Variants in VAV3 observed in about 807,000 individuals in gnomAD.
VAV3 encodes the protein guanine nucleotide exchange factor VAV3.
Under a neutral mutation model 131.2 loss-of-function variants are expected in VAV3, and 94 were observed. That is an observed-to-expected ratio of 0.72 (90% CI 0.61 to 0.85). VAV3 has a LOEUF of 0.85. VAV3 is among the 40% of genes least tolerant of loss of function. The pLI is 0.00. For synonymous variants in VAV3, 349 were observed against 342.0 expected, an observed-to-expected ratio of 1.02 and a Z score of -0.22; for missense variants, 939 against 1,002.7, an observed-to-expected ratio of 0.94 and a Z score of 0.86.
At chr1:107,631,341 T>C (rs938300263) in intron 20 of VAV3, among the ~76,000 whole-genome samples, 1 of 152,024 alleles carries the variant, frequency 6.6e-6, no homozygotes, top group African/African-American at 2.4e-5. Context: ...GTCAGCTAAC[T>C]GTTCCATGGT....
rs925124330 is a variant in VAV3, at chr1:107,602,872, T to C, written c.2132+175A>G. Among the ~76,000 whole-genome samples the C allele has an allele frequency of 8.5e-5, 13 of 152,180 alleles. No individual in the cohort carries two copies. The highest frequency in any genetic ancestry group is 1.6e-4 in the Non-Finnish European group (11 of 68,000). Reference sequence around the variant, plus strand: ...TATGCCAATTAGCAACCTATAACACTTTTTACTGTTTTTCAAAGATATATT... The same window carrying C: ...TATGCCAATTAGCAACCTATAACACCTTTTACTGTTTTTCAAAGATATATT... On this transcript the variant is annotated intron_variant, in intron 23 of 26. Transcript: ENST00000370056.
At chr1:107,769,348 G>A (rs1046648757) in intron 6 of VAV3, among the ~76,000 whole-genome samples, 14 of 152,122 alleles carry the variant, frequency 9.2e-5, no homozygotes, top group African/African-American at 1.7e-4. Flanking sequence ...ATTACCGATC[G>A]TCTAATTTTC....
chr1:107,597,336 A>G (rs182336843), intron 24 of VAV3, among the ~76,000 whole-genome samples: 22 of 152,266 alleles, frequency 1.4e-4, no homozygotes, highest in African/African-American at 4.8e-4. Flanking sequence ...AGACAAATCA[A>G]TGAGTCCAAA....
chr1:107,574,992 TGCGTGCGTGC>T (rs1244506969), intron 25 of VAV3, among the ~76,000 whole-genome samples: 2 of 64,272 alleles, frequency 3.1e-5, no homozygotes, highest in East Asian at 1.1e-3. Context: ...TGTGTGTGTG[TGCGTGCGTGC>T]GCGCGCGCGC....
intron 1 of VAV3, among the ~76,000 whole-genome samples, chr1:107,947,977 T>C (rs774056292): frequency 6.6e-6 from 1 of 152,186 alleles, no homozygotes; most frequent in African/African-American, 2.4e-5. Flanking sequence ...TGAATACTCA[T>C]ACCGTTGGGA....
rs570312640 is a variant in VAV3, at chr1:107,855,102, G to A, written c.321+19799C>T. 5.6e-4 allele frequency among the ~76,000 whole-genome samples: 85 copies of A among 152,192 alleles called. 1 individual carries two copies. The highest frequency in any genetic ancestry group is 2.0e-3 in the African/African-American group (83 of 41,524). ...TCTGGGAATGGTACACATTACTGCT[G>A]CACACAATCCACTGGCTAAAACTTG... is the stretch of plus-strand genomic sequence containing the variant. On this transcript the variant is annotated intron_variant, in intron 2 of 26. Coordinates refer to ENST00000370056, the MANE Select transcript of VAV3 (RefSeq NM_006113.5).
intron 15 of VAV3, among the ~76,000 whole-genome samples, chr1:107,730,953 C>T (rs1662203337): frequency 6.6e-6 from 1 of 152,136 alleles, no homozygotes; most frequent in African/African-American, 2.4e-5. Flanking sequence ...AATACTTAAT[C>T]TCTCTACTAT....
intron 10 of VAV3, among the ~76,000 whole-genome samples, chr1:107,758,851 T>C (rs1664260970): frequency 6.6e-6 from 1 of 152,190 alleles, no homozygotes; most frequent in Admixed American, 6.5e-5. Context: ...ACTAAATTAA[T>C]TGCAATTCTT....
chr1:107,728,427 A>C (rs1299212853), intron 15 of VAV3, among the ~76,000 whole-genome samples: 2 of 152,100 alleles, frequency 1.3e-5, no homozygotes, highest in East Asian at 3.9e-4. Context: ...GAGACCATCC[A>C]GTATAGTGGC....
chr1:107,902,541 G>A (rs1435081458), intron 1 of VAV3, among the ~76,000 whole-genome samples: 1 of 152,000 alleles, frequency 6.6e-6, no homozygotes, highest in Non-Finnish European at 1.5e-5. Flanking sequence ...TCTTATGTAG[G>A]AGTTTTTTAG....
At chr1:107,626,513 A>G (rs1654024802) in intron 20 of VAV3, among the ~76,000 whole-genome samples, 1 of 152,160 alleles carries the variant, frequency 6.6e-6, no homozygotes, top group South Asian at 2.1e-4. Flanking sequence ...ACACTTTCAC[A>G]TAGCTTTTTA....
In VAV3 at chr1:107,572,223, G is replaced by T. The variant is rs867675651; in HGVS notation, c.*1108C>A. The T allele has an allele frequency of 1.3e-5, 2 of 152,198 alleles. No individual in the cohort carries two copies. The highest frequency in any genetic ancestry group is 2.9e-5 in the Non-Finnish European group (2 of 68,044). 9.4% of individuals were successfully genotyped at this position (152,198 alleles called of 1,614,324 possible). A position where few individuals can be genotyped will look rare whatever the true frequency, so the allele number is the denominator to read the frequency against. The stretch of plus-strand genomic sequence containing the variant: ...ACTCCCAGGATGGGCTGCAGAGGGG[G>T]AGACTCTGAGAGAAGCTGGAGGCCC... On this transcript the variant is annotated 3_prime_UTR_variant, in exon 27 of 27. Transcript: ENST00000370056.
intron 1 of VAV3, among the ~76,000 whole-genome samples, chr1:107,903,440 A>C (rs1204955234): frequency 1.3e-5 from 2 of 152,126 alleles, no homozygotes; most frequent in African/African-American, 4.8e-5. Context: ...AGTAGAATGG[A>C]ATATGAGGGC....
At chr1:107,727,065 C>A (rs192980967) in intron 15 of VAV3, among the ~76,000 whole-genome samples, 1 of 152,340 alleles carries the variant, frequency 6.6e-6, no homozygotes, top group Non-Finnish European at 1.5e-5. Flanking sequence ...TTGATTACAT[C>A]ATTATTTTTG....
At chr1:107,663,889 C>T (rs1245833730) in intron 19 of VAV3, among the ~76,000 whole-genome samples, 2 of 152,068 alleles carry the variant, frequency 1.3e-5, no homozygotes, top group Non-Finnish European at 2.9e-5. Flanking sequence ...TAAGACATGT[C>T]TGTGTTCTAT....
At chr1:107,900,831 A>G (rs1671818978) in intron 1 of VAV3, among the ~76,000 whole-genome samples, 1 of 152,212 alleles carries the variant, frequency 6.6e-6, no homozygotes, top group Non-Finnish European at 1.5e-5. Flanking sequence ...TATTTGTGGT[A>G]GTGGTGGTAG....
At chr1:107,915,869 G>A (rs539726253) in intron 1 of VAV3, among the ~76,000 whole-genome samples, 1 of 152,226 alleles carries the variant, frequency 6.6e-6, no homozygotes, top group South Asian at 2.1e-4. Context: ...AACAGAAAGA[G>A]CTCCTGCCCT....
chr1:107,958,393 C>T (rs9659136), intron 1 of VAV3, among the ~76,000 whole-genome samples: 121,830 of 152,062 alleles, frequency 0.8, 48,974 homozygotes, highest in East Asian at 0.98. Flanking sequence ...TGGTTGTGTA[C>T]AGCAGAAACT....
intron 7 of VAV3, among the ~76,000 whole-genome samples, chr1:107,767,953 T>C (rs1300323196): frequency 2.0e-5 from 3 of 152,184 alleles, no homozygotes; most frequent in Non-Finnish European, 4.4e-5. Flanking sequence ...CATAAGGAAG[T>C]AGGGTATTTC....
Sources: gnomAD v4.1 joint callset for allele counts (sites outside exome capture counted in the v4.1 genomes callset) on GRCh38, gnomAD v4.1.1 for gene constraint, MANE v1.5 for transcripts, NCBI Gene and HGNC (gene_info 2026-07-23, HGNC 2026-07-21) for gene names.